The following ZNF827 variants were observed in gnomAD, a reference collection of about 807,000 sequenced individuals.
The protein encoded by ZNF827 is zinc finger protein 827.
Under a neutral mutation model 102.4 loss-of-function variants are expected in ZNF827, and 13 were observed. That is an observed-to-expected ratio of 0.13 (90% CI 0.08 to 0.20). The LOEUF (loss-of-function observed/expected upper bound fraction) is 0.20, where lower values mean the gene tolerates loss of function less well. Among genes scored for constraint, ZNF827 ranks in the 10% least tolerant of loss-of-function variants. The pLI is 1.00. For synonymous variants in ZNF827, 523 were observed against 536.2 expected, an observed-to-expected ratio of 0.98 and a Z score of 0.34; for missense variants, 1,103 against 1,344.4, an observed-to-expected ratio of 0.82 and a Z score of 2.81.
chr4:145,909,485 C>T (rs959726350), intron 1 of ZNF827, among the ~76,000 whole-genome samples: 2 of 152,200 alleles, frequency 1.3e-5, no homozygotes, highest in Admixed American at 6.5e-5. Flanking sequence ...GCAACCGGTT[C>T]TGGGTTTTCA....
intron 5 of ZNF827, among the ~76,000 whole-genome samples, chr4:145,866,430 G>A (rs78182179): frequency 0.052 from 7,856 of 152,186 alleles, 618 homozygotes; most frequent in East Asian, 0.36. Flanking sequence ...CAAATCTAGG[G>A]CCTGGTTGAA....
chr4:145,921,469 G>GC (rs1296572228), intron 1 of ZNF827, among the ~76,000 whole-genome samples: 16 of 72,850 alleles, frequency 2.2e-4, no homozygotes, highest in South Asian at 5.2e-4. Flanking sequence ...TGAGACTCAG[G>GC]CAAAAAAAAA....
chr4:145,765,464 C>A lies in ZNF827; in HGVS notation c.3052+83G>T. On this transcript the variant is annotated intron_variant, in intron 12 of 14. Transcript: ENST00000508784. The surrounding 1 kb of genome is among the most constrained non-coding windows in gnomAD (Gnocchi z 4.7). Reference sequence around the variant, plus strand: ...TGGGCCTATTATCAGTTTTTGACATCGCTCCTGTGCAGGGCTTATTCTCAA... The same window carrying A: ...TGGGCCTATTATCAGTTTTTGACATAGCTCCTGTGCAGGGCTTATTCTCAA... 1 of 1,470,010 alleles carries A rather than the reference C, an allele frequency of 6.8e-7. No homozygotes were observed. Among genetic ancestry groups the A allele is most frequent in the Non-Finnish European group, 9.1e-7 (1 of 1,096,784 alleles). The allele number at this position is 1,470,010 out of a possible 1,614,324, so 91.1% of individuals were successfully genotyped here.
chr4:145,856,971 G>A (rs760124208), intron 5 of ZNF827, among the ~76,000 whole-genome samples: 8 of 127,688 alleles, frequency 6.3e-5, no homozygotes, highest in Non-Finnish European at 8.2e-5. Context: ...TCGCTCATGC[G>A]CGCGCACGCG....
intron 1 of ZNF827, among the ~76,000 whole-genome samples, chr4:145,920,296 T>C (rs1752964759): frequency 6.6e-6 from 1 of 152,222 alleles, no homozygotes; most frequent in South Asian, 2.1e-4. Context: ...ATGCAGAATA[T>C]GCCCAGTCAT....
rs1423959048 is a variant in ZNF827, at chr4:145,761,412, C to T, written c.*204G>A. 1 of 1,289,846 alleles carries T rather than the reference C, an allele frequency of 7.8e-7. No individual in the cohort carries two copies. The allele number at this position is 1,289,846 out of a possible 1,614,324, so 79.9% of individuals were successfully genotyped here. ...CGATGAGCTTGTTGGCGGTCTTGGA[C>T]AGGTAGCCGCACTGGTCGCACTTGT... On this transcript the variant is annotated 3_prime_UTR_variant, in exon 15 of 15. Transcript: ENST00000508784. This position sits in a 1 kb window ranked among gnomAD's most constrained non-coding sequence, Gnocchi z 6.8.
At position 145,774,660 on chromosome 4, in the gene ZNF827, A is replaced by G. The variant is rs777028786; in HGVS notation, c.2706T>C (p.Cys902=). ...KHPYYYSCHV[C]GFETELNVQF... is the part of the protein sequence containing the mutation. ...GGACATTGAGCTCGGTCTCAAATCC[A>G]CACACGTGACAACTACATGAAAGGG... Residue 902 remains cysteine (C), a synonymous_variant, in exon 11 of 15, where the codon TGT becomes TGC. Transcript: ENST00000508784. 6.2e-7 allele frequency: 1 copy of G among 1,613,724 alleles called. No individual in the cohort carries two copies. The highest frequency in any genetic ancestry group is 8.5e-7 in the Non-Finnish European group (1 of 1,179,864).
At chr4:145,829,965 G>A (rs1560971488) in intron 7 of ZNF827, among the ~76,000 whole-genome samples, 1 of 152,236 alleles carries the variant, frequency 6.6e-6, no homozygotes, top group East Asian at 1.9e-4. Flanking sequence ...ACATTTTGAA[G>A]TGTACAGGAA....
At chr4:145,810,030 A>C (rs1256051324) in intron 8 of ZNF827, among the ~76,000 whole-genome samples, 1 of 152,234 alleles carries the variant, frequency 6.6e-6, no homozygotes, top group Non-Finnish European at 1.5e-5. Flanking sequence ...TATGAAAGTA[A>C]CATATACTTC....
chr4:145,769,418 G>C lies in ZNF827; in HGVS notation c.2861-3680C>G, dbSNP rs571359959. Among the ~76,000 whole-genome samples, 273 of 152,246 alleles carry C rather than the reference G, an allele frequency of 1.8e-3. 1 individual carries two copies. The highest frequency in any genetic ancestry group is 6.8e-3 in the Middle Eastern group (2 of 294). ...CTTCTAATATTCACCTGTTGCAAGT[G>C]ATTCTTTTAAATTCATTTTTAGAAT... On this transcript the variant is annotated intron_variant, in intron 11 of 14. Transcript: ENST00000508784.
At chr4:145,873,764 G>A (rs999817526) in intron 4 of ZNF827, among the ~76,000 whole-genome samples, 4 of 152,134 alleles carry the variant, frequency 2.6e-5, no homozygotes. Flanking sequence ...CACTTCTTGG[G>A]GGATTTTGCT....
At chr4:145,776,643 C>T (rs915613399) in intron 9 of ZNF827, among the ~76,000 whole-genome samples, 3 of 151,778 alleles carry the variant, frequency 2.0e-5, no homozygotes, top group Non-Finnish European at 2.9e-5. Flanking sequence ...ATGTGTCAGT[C>T]ATGGGTGAGT....
chr4:145,760,873 G>C lies in ZNF827; in HGVS notation c.*743C>G. ...GGGAGGCGCAGTCTGAGGTCGGGGAGGGTGGAATGTGAGATCCAAGTGGTT... is the reference window on the plus strand; with the variant it reads ...GGGAGGCGCAGTCTGAGGTCGGGGACGGTGGAATGTGAGATCCAAGTGGTT... On this transcript the variant is annotated 3_prime_UTR_variant, in exon 15 of 15. Coordinates refer to ENST00000508784, the MANE Select transcript of ZNF827 (RefSeq NM_001306215.2). 2 of 1,225,976 alleles carry C rather than the reference G, an allele frequency of 1.6e-6. No homozygotes were observed. The highest frequency in any genetic ancestry group is 2.1e-6 in the Non-Finnish European group (2 of 958,788). The allele number at this position is 1,225,976 out of a possible 1,614,324, so 75.9% of individuals were successfully genotyped here. A position where few individuals can be genotyped will look rare whatever the true frequency, so the allele number is the denominator to read the frequency against.
intron 3 of ZNF827, among the ~76,000 whole-genome samples, chr4:145,888,789 AC>A (rs1750348127): frequency 1.3e-5 from 2 of 152,194 alleles, no homozygotes; most frequent in Non-Finnish European, 2.9e-5. Context: ...CTGTATGTTC[AC>A]TTATCCAGGA....
intron 8 of ZNF827, among the ~76,000 whole-genome samples, chr4:145,783,131 T>A (rs1258732815): frequency 6.6e-6 from 1 of 152,218 alleles, no homozygotes; most frequent in Non-Finnish European, 1.5e-5. Context: ...GAAGCAGTAC[T>A]CAGTCAACAC....
chr4:145,924,850 G>C (rs1753313789), intron 1 of ZNF827, among the ~76,000 whole-genome samples: 1 of 152,082 alleles, frequency 6.6e-6, no homozygotes, highest in Non-Finnish European at 1.5e-5. Flanking sequence ...GTTCAATGAA[G>C]TCCCTTATCT....
chr4:145,777,714 C>T (rs950002733), intron 9 of ZNF827, among the ~76,000 whole-genome samples: 5 of 152,160 alleles, frequency 3.3e-5, no homozygotes, highest in African/African-American at 7.2e-5. Flanking sequence ...CCATTTCTTT[C>T]TAGACTTTGT....
chr4:145,887,467 T>C (rs998599740), intron 3 of ZNF827, among the ~76,000 whole-genome samples: 26 of 152,144 alleles, frequency 1.7e-4, no homozygotes, highest in Non-Finnish European at 2.9e-5. Context: ...ATCCTGTCGC[T>C]ACAGCACCCC....
chr4:145,827,532 AGAGC>A (rs1214624053), intron 7 of ZNF827, among the ~76,000 whole-genome samples: 3 of 152,226 alleles, frequency 2.0e-5, no homozygotes, highest in Admixed American at 2.0e-4. Context: ...ACAGCTTCCT[AGAGC>A]AAGCCTGTCT....
Sources: allele counts gnomAD v4.1 joint callset (sites outside exome capture counted in the v4.1 genomes callset), GRCh38; gene constraint gnomAD v4.1.1; non-coding constraint Gnocchi (gnomAD v3.1); transcripts MANE v1.5; gene names NCBI Gene and HGNC (gene_info 2026-07-23, HGNC 2026-07-21).